The following BCAS3 variants were observed in gnomAD, a reference collection of about 807,000 sequenced individuals.
The protein encoded by BCAS3 is BCAS4/BCAS3 fusion.
Under a neutral mutation model 116.1 loss-of-function variants are expected in BCAS3, and 53 were observed. The observed-to-expected ratio is 0.46, with a 90% confidence interval of 0.37 to 0.57. BCAS3 has a LOEUF of 0.57. BCAS3 is among the 20% of genes least tolerant of loss of function. BCAS3 has a pLI of 0.00. For synonymous variants in BCAS3, 391 were observed against 408.2 expected (o/e 0.96, Z 0.51); for missense variants, 917 against 1,165.4 (o/e 0.79, Z 3.10).
intron 22 of BCAS3, among the ~76,000 whole-genome samples, chr17:61,252,664 G>C (rs1334155676): frequency 1.3e-5 from 2 of 151,942 alleles, no homozygotes; most frequent in Non-Finnish European, 2.9e-5. Context: ...GAGTGGCAGA[G>C]GTGAAAAGGG....
At chr17:60,678,970 T>C (rs760723591) in intron 1 of BCAS3, among the ~76,000 whole-genome samples, 9 of 152,308 alleles carry the variant, frequency 5.9e-5, no homozygotes, top group Non-Finnish European at 1.2e-4. Flanking sequence ...AAGCCTATAA[T>C]CCCAGCACTT....
intron 9 of BCAS3, among the ~76,000 whole-genome samples, chr17:60,878,355 C>G (rs576021188): frequency 1.3e-5 from 2 of 152,152 alleles, no homozygotes; most frequent in South Asian, 4.2e-4. Context: ...ATATAGTTGT[C>G]AGAAGGTAGG....
intron 22 of BCAS3, among the ~76,000 whole-genome samples, chr17:61,164,407 A>T (rs8073611): frequency 1.3e-4 from 20 of 151,808 alleles, no homozygotes; most frequent in African/African-American, 4.8e-4. Flanking sequence ...AATGCCAGCA[A>T]CACTTTGGGT....
At chr17:61,330,616 A>G (rs1007803822) in intron 22 of BCAS3, among the ~76,000 whole-genome samples, 1 of 152,180 alleles carries the variant, frequency 6.6e-6, no homozygotes, top group East Asian at 1.9e-4. Flanking sequence ...TAGACTCCAT[A>G]GCTTCTCAGA....
intron 22 of BCAS3, among the ~76,000 whole-genome samples, chr17:61,255,556 T>C (rs1293384881): frequency 6.6e-6 from 1 of 152,228 alleles, no homozygotes; most frequent in African/African-American, 2.4e-5. Flanking sequence ...AGTGGGCACA[T>C]CTTTGCACCC....
intron 22 of BCAS3, among the ~76,000 whole-genome samples, chr17:61,336,115 A>G (rs887985495): frequency 5.3e-5 from 8 of 152,250 alleles, no homozygotes; most frequent in Admixed American, 5.2e-4. Context: ...GGCCTCGCTA[A>G]ACTCCCAGCT....
chr17:60,923,276 T>C (rs1361734231), intron 12 of BCAS3, among the ~76,000 whole-genome samples: 2 of 152,232 alleles, frequency 1.3e-5, no homozygotes, highest in African/African-American at 4.8e-5. Flanking sequence ...TTGTTTATGA[T>C]ATTGTATAGC....
At chr17:60,953,879 A>C (rs941003513) in intron 14 of BCAS3, among the ~76,000 whole-genome samples, 2 of 151,876 alleles carry the variant, frequency 1.3e-5, no homozygotes, top group African/African-American at 2.4e-5. Context: ...GCTTAGAGGC[A>C]CCTGCCACCA....
At chr17:60,848,448 T>G (rs1452054440) in intron 7 of BCAS3, among the ~76,000 whole-genome samples, 3 of 152,218 alleles carry the variant, frequency 2.0e-5, no homozygotes, top group Non-Finnish European at 4.4e-5. Context: ...TTTGTTGAAT[T>G]TATCAGTTCT....
chr17:60,758,930 A>G (rs184301721), intron 6 of BCAS3, among the ~76,000 whole-genome samples: 6 of 152,130 alleles, frequency 3.9e-5, no homozygotes, highest in African/African-American at 1.2e-4. Context: ...ATAGTTTACA[A>G]AATTCATTTT....
intron 22 of BCAS3, among the ~76,000 whole-genome samples, chr17:61,340,981 GGGGATGGAGAAGGGC>G (rs1195108058): frequency 4.6e-5 from 7 of 152,320 alleles, no homozygotes; most frequent in Non-Finnish European, 8.8e-5. Context: ...GAGTGGCAGA[GGGGATGGAGAAGGGC>G]GCTGGAAGGG....
In BCAS3 at chr17:61,204,716, C is replaced by A. The variant is rs957607813; in HGVS notation, c.2425+120152C>A. Among the ~76,000 whole-genome samples the A allele has an allele frequency of 6.6e-6, 1 of 151,932 alleles. No individual in the cohort carries two copies. The highest frequency in any genetic ancestry group is 6.6e-5 in the Admixed American group (1 of 15,242). ...TACCTTGGCGGAGAATGAAAAACTG[C>A]CTTGGAACTTATTAATAAGCATTTA... On this transcript the variant is annotated intron_variant, in intron 22 of 23. Coordinates refer to ENST00000407086, the MANE Select transcript of BCAS3 (RefSeq NM_017679.5). The surrounding 1 kb of genome is among the most constrained non-coding windows in gnomAD (Gnocchi z 4.2).
Position 61,217,375 on chromosome 17 carries a change from G to T in BCAS3, c.2425+132811G>T, listed in dbSNP as rs771522741. Among the ~76,000 whole-genome samples the T allele has an allele frequency of 1.8e-4, 28 of 152,172 alleles. No individual in the cohort carries two copies. The highest frequency in any genetic ancestry group is 3.8e-4 in the Non-Finnish European group (26 of 68,018). On this transcript the variant is annotated intron_variant, in intron 22 of 23. Coordinates refer to ENST00000407086, the MANE Select transcript of BCAS3 (RefSeq NM_017679.5). This position sits in a 1 kb window ranked among gnomAD's most constrained non-coding sequence, Gnocchi z 5.2. The stretch of plus-strand genomic sequence containing the variant: ...TAGTGAAAATCTAGGTTCCTGAAAA[G>T]AATAGATTATTTCCCCAGCTGGATG...
At chr17:61,067,271 G>GTATATATATATA (rs1473028118) in intron 19 of BCAS3, among the ~76,000 whole-genome samples, 26 of 55,114 alleles carry the variant, frequency 4.7e-4, no homozygotes, top group African/African-American at 1.7e-3. Context: ...ATGTGTGTAT[G>GTATATATATATA]TGTATATATA....
intron 6 of BCAS3, among the ~76,000 whole-genome samples, chr17:60,793,384 C>T (rs894477267): frequency 6.6e-5 from 10 of 152,120 alleles, no homozygotes; most frequent in Non-Finnish European, 1.3e-4. Flanking sequence ...TGTGAGCCAC[C>T]GTGCCTGGCC....
rs1158458081 is a variant in BCAS3 at position 61,344,490 on chromosome 17, G to A, written c.2426-23837G>A. 6.6e-6 allele frequency among the ~76,000 whole-genome samples: 1 copy of A among 152,178 alleles called. No homozygotes were observed. Among genetic ancestry groups the A allele is most frequent in the Non-Finnish European group, 1.5e-5 (1 of 68,038 alleles). On this transcript the variant is annotated intron_variant, in intron 22 of 23. Transcript: ENST00000407086. The surrounding 1 kb of genome is among the most constrained non-coding windows in gnomAD (Gnocchi z 4.1). ...AGACTTTAAAGAAGGTGGGTCCTAA[G>A]TTTTGAGGGTACCATGGAGAGCAAA...
At chr17:61,135,201 C>T (rs1248518887) in intron 22 of BCAS3, among the ~76,000 whole-genome samples, 5 of 152,110 alleles carry the variant, frequency 3.3e-5, no homozygotes, top group African/African-American at 1.2e-4. Context: ...TTCTTATTAT[C>T]TGGTACTTTT....
chr17:60,825,580 T>C (rs2050337354), intron 7 of BCAS3, among the ~76,000 whole-genome samples: 1 of 147,072 alleles, frequency 6.8e-6, no homozygotes, highest in Non-Finnish European at 1.5e-5. Flanking sequence ...TTATTATTTA[T>C]AATAATTTAT....
At position 60,995,471 on chromosome 17, in the gene BCAS3, T is replaced by C. The variant is rs1450239056; in HGVS notation, c.1486+5236T>C. On this transcript the variant is annotated intron_variant, in intron 15 of 23. Transcript: ENST00000407086. The surrounding 1 kb of genome is among the most constrained non-coding windows in gnomAD (Gnocchi z 4.7). ...GCCACCGCGCCCAGCCGAATTTTTG[T>C]ATTTTAAGTAGAGACTGGGTTTCAC... Among the ~76,000 whole-genome samples the C allele has an allele frequency of 6.6e-6, 1 of 151,812 alleles. No homozygotes were observed. The highest frequency in any genetic ancestry group is 6.6e-5 in the Admixed American group (1 of 15,234).
Sources: allele counts gnomAD v4.1 joint callset (sites outside exome capture counted in the v4.1 genomes callset), GRCh38; gene constraint gnomAD v4.1.1; non-coding constraint Gnocchi (gnomAD v3.1); transcripts MANE v1.5; gene names NCBI Gene and HGNC (gene_info 2026-07-23, HGNC 2026-07-21).